ALOX5AP: variants seen among roughly 807,000 people sequenced by gnomAD.
ALOX5AP encodes the protein arachidonate 5-lipoxygenase activating protein.
ALOX5AP carries 9 observed loss-of-function variants against 18.5 expected under a neutral mutation model. That is an observed-to-expected ratio of 0.49 (90% CI 0.29 to 0.85). The LOEUF (loss-of-function observed/expected upper bound fraction) is 0.85, where lower values mean the gene tolerates loss of function less well. Among genes scored for constraint, ALOX5AP ranks in the 40% least tolerant of loss-of-function variants. The probability of loss-of-function intolerance (pLI) is 0.08; values close to 1 mark genes in which losing one functional copy is unlikely to be tolerated. For missense variants in ALOX5AP, 172 were observed against 202.5 expected (o/e 0.85, Z 0.91); for synonymous variants, 81 against 78.6 (o/e 1.03, Z -0.16).
upstream of ALOX5AP, chr13:30,735,489 G>A (rs201514687): frequency 3.7e-5 from 57 of 1,534,600 alleles, no homozygotes; most frequent in Middle Eastern, 1.8e-4. Context: ...TAATTGTGCC[G>A]GGGATCTTCA....
chr13:30,722,452 C>T (rs1299866529), intron 1 of ALOX5AP, among the ~76,000 whole-genome samples: 2 of 152,112 alleles, frequency 1.3e-5, no homozygotes, highest in African/African-American at 4.8e-5. Context: ...GAACTTAATC[C>T]TAACTGATAT....
intron 2 of ALOX5AP, among the ~76,000 whole-genome samples, chr13:30,747,702 G>A (rs1951820220): frequency 6.6e-6 from 1 of 152,176 alleles, no homozygotes; most frequent in Non-Finnish European, 1.5e-5. Flanking sequence ...TGTTACAGGG[G>A]ATAACAAGTT....
chr13:30,741,087 A>T (rs1161118143), intron 1 of ALOX5AP, among the ~76,000 whole-genome samples: 1 of 134,764 alleles, frequency 7.4e-6, no homozygotes, highest in Non-Finnish European at 1.6e-5. Context: ...TTTAACCTAC[A>T]CACATCCTCC....
intron 2 of ALOX5AP, among the ~76,000 whole-genome samples, chr13:30,746,185 T>G (rs534346438): frequency 3.3e-4 from 50 of 152,272 alleles, no homozygotes; most frequent in East Asian, 5.8e-4. Context: ...GGGAAGGTCG[T>G]TTGGAAGTTC....
At chr13:30,742,870 ACC>A (rs1487748766) in intron 1 of ALOX5AP, among the ~76,000 whole-genome samples, 26 of 74,798 alleles carry the variant, frequency 3.5e-4, no homozygotes, top group African/African-American at 1.3e-3. Context: ...CCCCCCCCCC[ACC>A]CCCCATCATC....
At chr13:30,731,401 T>C (rs1951679705), upstream of ALOX5AP, among the ~76,000 whole-genome samples, 1 of 150,280 alleles carries the variant, frequency 6.7e-6, no homozygotes, top group Non-Finnish European at 1.5e-5. Context: ...TAAGACAGGA[T>C]CTCCCTCTCT....
intron 1 of ALOX5AP, among the ~76,000 whole-genome samples, chr13:30,715,015 A>G (rs995812321): frequency 1.1e-4 from 17 of 152,146 alleles, no homozygotes; most frequent in African/African-American, 3.9e-4. Flanking sequence ...GAGGCACCAC[A>G]ACACATAGGA....
At position 30,764,153 on chromosome 13, in the gene ALOX5AP, C is replaced by T. The variant is rs778063948; in HGVS notation, c.*47C>T. 4 of 1,569,920 alleles carry T rather than the reference C, an allele frequency of 2.5e-6. No individual in the cohort carries two copies. The highest frequency in any genetic ancestry group is 3.5e-6 in the Non-Finnish European group (4 of 1,152,288). ...GGTGTTCTCATCTAATCAATACCTA[C>T]AAGTCATCATAATTCAGCTCTTGAG... is the stretch of plus-strand genomic sequence containing the variant. On this transcript the variant is annotated 3_prime_UTR_variant, in exon 5 of 5. Coordinates refer to ENST00000380490, the MANE Select transcript of ALOX5AP (RefSeq NM_001629.4).
intron 1 of ALOX5AP, among the ~76,000 whole-genome samples, chr13:30,718,210 C>T (rs986621512): frequency 7.9e-5 from 12 of 151,622 alleles, no homozygotes; most frequent in Non-Finnish European, 1.6e-4. Flanking sequence ...CCACTTGCCT[C>T]AGCCTCCCAA....
chr13:30,752,242 T>C lies in ALOX5AP; in HGVS notation c.241+120T>C. On this transcript the variant is annotated intron_variant, in intron 3 of 4. Transcript: ENST00000380490. ...CCTCTGGCTCCCATCTGTGAAGCCC[T>C]GGAGAGGTGAGAGCCCTCGGGAGGC... 4 of 1,040,422 alleles carry C rather than the reference T, an allele frequency of 3.8e-6. No homozygotes were observed. In the South Asian group the frequency reaches 4.2e-5, roughly 11 times the overall value. 64.4% of individuals were successfully genotyped at this position (1,040,422 alleles called of 1,614,324 possible).
rs1951640457 is a variant in ALOX5AP at position 30,726,510 on chromosome 13, TC to T, written c.117-9037del. ...ATGTCCATCTATATTCCATCTGTGTTCCCCTTGGAATTCCTATTCATGAACA... is the reference window on the plus strand; with the variant it reads ...ATGTCCATCTATATTCCATCTGTGTTCCCTTGGAATTCCTATTCATGAACA... On this transcript the variant is annotated intron_variant, in intron 1 of 5. Coordinates refer to the ALOX5AP transcript ENST00000617770. Among the ~76,000 whole-genome samples, 3 of 152,192 alleles carry T rather than the reference TC, an allele frequency of 2.0e-5. No individual in the cohort carries two copies. In the South Asian group the frequency reaches 6.2e-4, roughly 31 times the overall value.
intron 1 of ALOX5AP, among the ~76,000 whole-genome samples, chr13:30,726,209 G>T (rs117977378): frequency 0.016 from 2,378 of 152,292 alleles, 28 homozygotes; most frequent in Non-Finnish European, 0.025. Context: ...CCTCGTGCCA[G>T]TGAATACACA....
chr13:30,733,857 A>G (rs1951700306), upstream of ALOX5AP, among the ~76,000 whole-genome samples: 1 of 150,368 alleles, frequency 6.7e-6, no homozygotes, highest in Non-Finnish European at 1.5e-5. Context: ...TTGGATTCAG[A>G]CTGGGTCTTG....
At chr13:30,714,906 A>C (rs1237451796) in intron 1 of ALOX5AP, among the ~76,000 whole-genome samples, 3 of 151,556 alleles carry the variant, frequency 2.0e-5, no homozygotes, top group African/African-American at 7.3e-5. Context: ...CATATTACCC[A>C]CTGTACTCCC....
chr13:30,752,165 C>T (rs1433645890), intron 3 of ALOX5AP, 43 bp downstream of exon 3: 2 of 1,590,264 alleles, frequency 1.3e-6, no homozygotes, highest in African/African-American at 2.7e-5. Flanking sequence ...CTATAAAGTG[C>T]ATCTCAAGGA....
At chr13:30,744,373 T>G (rs1230981814) in intron 2 of ALOX5AP, 1 of 492,208 alleles carries the variant, frequency 2.0e-6, no homozygotes, top group Non-Finnish European at 3.7e-6. Context: ...AGTGGGGATA[T>G]GGGGCACATT....
intron 4 of ALOX5AP, among the ~76,000 whole-genome samples, chr13:30,760,192 A>G (rs1243107515): frequency 2.0e-5 from 3 of 150,426 alleles, no homozygotes; most frequent in African/African-American, 7.3e-5. Context: ...TTTTAAAACA[A>G]GAAGGGACTG....
intron 1 of ALOX5AP, among the ~76,000 whole-genome samples, chr13:30,737,639 C>G (rs1299741923): frequency 1.3e-5 from 2 of 152,116 alleles, no homozygotes; most frequent in African/African-American, 2.4e-5. Flanking sequence ...AATGGACCAG[C>G]TGGGAGCTAA....
intron 1 of ALOX5AP, among the ~76,000 whole-genome samples, chr13:30,740,860 G>C (rs1188947457): frequency 1.3e-5 from 2 of 152,172 alleles, no homozygotes; most frequent in African/African-American, 4.8e-5. Flanking sequence ...TGCAGCCTTA[G>C]AGAAAAGGAA....
Sources: allele counts gnomAD v4.1 joint callset (sites outside exome capture counted in the v4.1 genomes callset), GRCh38; gene constraint gnomAD v4.1.1; transcripts MANE v1.5; gene names NCBI Gene and HGNC (gene_info 2026-07-23, HGNC 2026-07-21).